Variants in OPCML observed in about 807,000 individuals in gnomAD.
OPCML encodes opioid-binding protein/cell adhesion molecule.
In OPCML, 13 loss-of-function variants were observed where a neutral mutation model predicts 37.8. That is an observed-to-expected ratio of 0.34 (90% CI 0.22 to 0.55). The LOEUF (loss-of-function observed/expected upper bound fraction) is 0.55. Ranked by LOEUF, OPCML falls within the 20% of genes least tolerant of loss-of-function variation. The pLI, the probability that OPCML is intolerant of heterozygous loss-of-function variation, is 0.91. For synonymous variants in OPCML, 176 were observed against 168.8 expected (o/e 1.04, Z -0.33); for missense variants, 341 against 435.6 (o/e 0.78, Z 1.93).
chr11:132,999,136 A>G (rs1380316114), intron 1 of OPCML, among the ~76,000 whole-genome samples: 1 of 152,212 alleles, frequency 6.6e-6, no homozygotes, highest in Non-Finnish European at 1.5e-5. Flanking sequence ...TCCTGCTCCC[A>G]GCAGTCCTGC....
intron 2 of OPCML, among the ~76,000 whole-genome samples, chr11:132,743,137 A>G (rs1945491323): frequency 6.6e-6 from 1 of 152,130 alleles, no homozygotes; most frequent in South Asian, 2.1e-4. Flanking sequence ...TCGTGAATGG[A>G]CTTCCTCTTT....
At chr11:132,527,988 G>A (rs2137286059) in intron 4 of OPCML, among the ~76,000 whole-genome samples, 1 of 152,248 alleles carries the variant, frequency 6.6e-6, no homozygotes, top group Admixed American at 6.5e-5. Flanking sequence ...GCATCTAGGG[G>A]AAAGACGTGG....
chr11:133,474,690 G>A (rs958750842), intron 1 of OPCML, among the ~76,000 whole-genome samples: 6 of 152,252 alleles, frequency 3.9e-5, no homozygotes, highest in African/African-American at 7.2e-5. Flanking sequence ...GCATGGACCC[G>A]CAGAACCCAG....
chr11:132,682,284 C>T (rs1007064105), intron 2 of OPCML, among the ~76,000 whole-genome samples: 3 of 152,138 alleles, frequency 2.0e-5, no homozygotes, highest in Non-Finnish European at 4.4e-5. Context: ...GGTTTCTAAC[C>T]TAAGCTGACA....
At chr11:132,876,128 C>G (rs1943000639) in intron 2 of OPCML, among the ~76,000 whole-genome samples, 1 of 152,176 alleles carries the variant, frequency 6.6e-6, no homozygotes, top group Non-Finnish European at 1.5e-5. Flanking sequence ...CTGTCCCAGT[C>G]CAAACTAACT....
At chr11:132,573,020 G>A (rs2096442120) in intron 3 of OPCML, among the ~76,000 whole-genome samples, 3 of 151,700 alleles carry the variant, frequency 2.0e-5, no homozygotes, top group African/African-American at 4.8e-5. Flanking sequence ...TTGTAAATGA[G>A]ATTGATTTCC....
chr11:133,370,457 G>C (rs1944647681), intron 1 of OPCML, among the ~76,000 whole-genome samples: 1 of 138,902 alleles, frequency 7.2e-6, no homozygotes, highest in Admixed American at 7.5e-5. Flanking sequence ...AAAAAGGAAG[G>C]AAATCCCGTT....
At chr11:133,125,132 G>A (rs1041660425) in intron 1 of OPCML, among the ~76,000 whole-genome samples, 6 of 152,078 alleles carry the variant, frequency 3.9e-5, no homozygotes, top group Non-Finnish European at 8.8e-5. Flanking sequence ...AAGCAACGTC[G>A]GGAGGTAGCT....
intron 1 of OPCML, among the ~76,000 whole-genome samples, chr11:133,012,478 T>G (rs1488593795): frequency 6.6e-6 from 1 of 152,186 alleles, no homozygotes; most frequent in African/African-American, 2.4e-5. Context: ...CAAAGAAGTT[T>G]TATTTTCTTT....
intron 2 of OPCML, among the ~76,000 whole-genome samples, chr11:132,813,800 C>T (rs990623984): frequency 3.3e-5 from 5 of 152,084 alleles, no homozygotes; most frequent in East Asian, 1.9e-4. Flanking sequence ...CTGCTTCCCC[C>T]GGTGTATTGC....
chr11:132,566,970 G>GT (rs2096424796), intron 3 of OPCML, among the ~76,000 whole-genome samples: 7 of 129,754 alleles, frequency 5.4e-5, no homozygotes, highest in Non-Finnish European at 1.2e-4. Flanking sequence ...ACATCAGTTA[G>GT]GTTTTTTTTT....
intron 2 of OPCML, among the ~76,000 whole-genome samples, chr11:132,900,356 T>C (rs1164750006): frequency 6.6e-6 from 1 of 152,144 alleles, no homozygotes; most frequent in African/African-American, 2.4e-5. Flanking sequence ...ATTAAGGGTC[T>C]TTCAAATCTG....
At chr11:132,477,533 A>G (rs115982438) in intron 4 of OPCML, among the ~76,000 whole-genome samples, 259 of 152,360 alleles carry the variant, frequency 1.7e-3, no homozygotes, top group African/African-American at 5.7e-3. Context: ...GTCATTCTGG[A>G]AAGCTTGGAA....
At chr11:132,499,291 G>A (rs1191734587) in intron 4 of OPCML, among the ~76,000 whole-genome samples, 1 of 152,220 alleles carries the variant, frequency 6.6e-6, no homozygotes, top group Non-Finnish European at 1.5e-5. Flanking sequence ...AAGCTCCATT[G>A]ACATGAGGGG....
intron 1 of OPCML, among the ~76,000 whole-genome samples, chr11:133,460,679 G>A (rs966282664): frequency 2.0e-5 from 3 of 151,952 alleles, no homozygotes; most frequent in African/African-American, 4.8e-5. Context: ...TAACTAATAA[G>A]GAGATTGAAT....
chr11:132,790,870 G>A (rs1463391049), intron 2 of OPCML, among the ~76,000 whole-genome samples: 4 of 152,144 alleles, frequency 2.6e-5, no homozygotes, highest in East Asian at 1.9e-4. Context: ...GAAATCACAC[G>A]GAAAACACAG....
intron 2 of OPCML, among the ~76,000 whole-genome samples, chr11:132,854,626 A>G (rs1254074126): frequency 6.6e-6 from 1 of 152,238 alleles, no homozygotes. Context: ...GGAGGAAACA[A>G]GGATAAAAAC....
Position 133,227,042 on chromosome 11 carries a change from G to C in OPCML, c.62-284032C>G, listed in dbSNP as rs987215836. 2.0e-5 allele frequency among the ~76,000 whole-genome samples: 3 copies of C among 152,328 alleles called. No homozygotes were observed. In the South Asian group the frequency reaches 6.2e-4, roughly 32 times the overall value. On this transcript the variant is annotated intron_variant, in intron 1 of 7. Coordinates refer to ENST00000524381, the MANE Select transcript of OPCML (RefSeq NM_001012393.5). ...AGAATTTGCCTCGGCTGATGTGCCG[G>C]TGTCAGCTCGAACCTGTTTCAAGGA...
At chr11:133,088,838 G>T (rs944013971) in intron 1 of OPCML, among the ~76,000 whole-genome samples, 4 of 152,160 alleles carry the variant, frequency 2.6e-5, no homozygotes, top group African/African-American at 9.7e-5. Flanking sequence ...CTAAAACGGG[G>T]AGAATAAGTA....
Sources: allele counts gnomAD v4.1 joint callset (sites outside exome capture counted in the v4.1 genomes callset), GRCh38; gene constraint gnomAD v4.1.1; transcripts MANE v1.5; gene names NCBI Gene and HGNC (gene_info 2026-07-23, HGNC 2026-07-21).